NCOA7: variants seen among roughly 807,000 people sequenced by gnomAD.
NCOA7 encodes nuclear receptor coactivator 7.
A neutral mutation model predicts 104.3 loss-of-function variants in NCOA7; 45 were observed. That is an observed-to-expected ratio of 0.43 (90% CI 0.34 to 0.55). The LOEUF is 0.55. Ranked by LOEUF, NCOA7 falls within the 20% of genes least tolerant of loss-of-function variation. The pLI is 0.02. For missense variants in NCOA7, 1,041 were observed against 1,119.7 expected (o/e 0.93, Z 1.00); for synonymous variants, 398 against 402.3 (o/e 0.99, Z 0.13).
At chr6:125,909,296 A>G (rs1786305814) in intron 10 of NCOA7, among the ~76,000 whole-genome samples, 1 of 152,160 alleles carries the variant, frequency 6.6e-6, no homozygotes, top group Non-Finnish European at 1.5e-5. Flanking sequence ...ACCTAAGGAA[A>G]GTCAGTTGAA....
At position 125,889,146 on chromosome 6, in the gene NCOA7, C is replaced by T; in HGVS notation, c.1092C>T (p.Gly364=). Residue 364 remains glycine, a synonymous_variant, in exon 9 of 16, where the codon GGC becomes GGT. Coordinates refer to ENST00000392477, the MANE Select transcript of NCOA7 (RefSeq NM_181782.5). The part of the protein sequence containing the change: ...STGHTPTKPS[G]SSVSEKLKKL... ...GACATACACCTACAAAGCCCTCAGG[C>T]AGCTCTGTGTCAGAGAAATTAAAGA... 6.2e-7 allele frequency: 1 copy of T among 1,614,128 alleles called. No individual in the cohort carries two copies. The highest frequency in any genetic ancestry group is 1.1e-5 in the South Asian group (1 of 91,088).
chr6:125,912,946 A>G (rs780166736), intron 10 of NCOA7, among the ~76,000 whole-genome samples: 17 of 152,234 alleles, frequency 1.1e-4, no homozygotes, highest in Non-Finnish European at 2.1e-4. Context: ...GCCTTTTAAA[A>G]TATAATTTTG....
intron 1 of NCOA7, among the ~76,000 whole-genome samples, chr6:125,785,314 G>A (rs764775424): frequency 2.6e-5 from 4 of 151,912 alleles, no homozygotes; most frequent in Non-Finnish European, 4.4e-5. Context: ...CTCCAGCCTC[G>A]GCAACAGAGT....
intron 2 of NCOA7, among the ~76,000 whole-genome samples, chr6:125,838,099 C>A (rs937169307): frequency 6.6e-6 from 1 of 152,092 alleles, no homozygotes; most frequent in Non-Finnish European, 1.5e-5. Flanking sequence ...TCATAAAAGG[C>A]AGATTAATAA....
chr6:125,839,715 A>C (rs2128602409), intron 2 of NCOA7, among the ~76,000 whole-genome samples: 1 of 152,230 alleles, frequency 6.6e-6, no homozygotes, highest in African/African-American at 2.4e-5. Flanking sequence ...CTCATTTATG[A>C]TGGTGGTTCC....
intron 10 of NCOA7, among the ~76,000 whole-genome samples, chr6:125,891,403 G>A (rs1468696723): frequency 6.6e-6 from 1 of 152,176 alleles, no homozygotes. Flanking sequence ...TTCTTCAACA[G>A]TATATCACTG....
Position 125,889,428 on chromosome 6 carries a change from C to T in NCOA7, c.1374C>T (p.Ala458=), listed in dbSNP as rs377025440. ...KKAESQINNS[A]VEMQVQSALA... ...CTGAGTCACAAATAAACAATTCTGCCGTGGAAATGCAGGTGCAGTCAGCCC... is the reference window on the plus strand; with the variant it reads ...CTGAGTCACAAATAAACAATTCTGCTGTGGAAATGCAGGTGCAGTCAGCCC... The change falls in exon 9 of 16, where the codon GCC becomes GCT. Residue 458 remains alanine (A), a synonymous_variant. Transcript: ENST00000392477. 110 of 1,613,784 alleles carry T rather than the reference C, an allele frequency of 6.8e-5. No homozygotes were observed. Among genetic ancestry groups the T allele is most frequent in the Non-Finnish European group, 8.6e-5 (102 of 1,179,950 alleles).
chr6:125,820,560 A>G (rs1224248840), intron 2 of NCOA7, among the ~76,000 whole-genome samples: 1 of 152,206 alleles, frequency 6.6e-6, no homozygotes, highest in Non-Finnish European at 1.5e-5. Context: ...TGAATAGTAC[A>G]CTTTGTAGCT....
chr6:125,873,891 CT>C, intron 3 of NCOA7, among the ~76,000 whole-genome samples: 1 of 152,162 alleles, frequency 6.6e-6, no homozygotes, highest in East Asian at 1.9e-4. Context: ...ATTTTATATT[CT>C]TTTTGTCACA....
At chr6:125,800,295 G>A (rs900516750) in intron 1 of NCOA7, among the ~76,000 whole-genome samples, 3 of 152,104 alleles carry the variant, frequency 2.0e-5, no homozygotes, top group Non-Finnish European at 4.4e-5. Flanking sequence ...CTAGACTGGT[G>A]GTTTCTAAAG....
intron 2 of NCOA7, among the ~76,000 whole-genome samples, chr6:125,835,377 A>G (rs1352317135): frequency 6.6e-6 from 1 of 151,656 alleles, no homozygotes; most frequent in African/African-American, 2.4e-5. Context: ...AGATCAGACT[A>G]CCTTAGGAGA....
chr6:125,786,663 C>T (rs887677920), upstream of NCOA7, among the ~76,000 whole-genome samples: 1 of 151,068 alleles, frequency 6.6e-6, no homozygotes, highest in African/African-American at 2.4e-5. Flanking sequence ...CGCAACCTCT[C>T]CCTCTCGGGT....
chr6:125,791,113 A>T (rs1774805816), intron 1 of NCOA7, 46 bp downstream of exon 1: 1 of 152,942 alleles, frequency 6.5e-6, no homozygotes, highest in Non-Finnish European at 1.5e-5. Flanking sequence ...CCCGCCGCTG[A>T]TGCTGCCGCC....
intron 3 of NCOA7, among the ~76,000 whole-genome samples, chr6:125,859,261 T>C (rs1781847147): frequency 6.6e-6 from 1 of 151,586 alleles, no homozygotes; most frequent in South Asian, 2.1e-4. Flanking sequence ...GAGGCAAAAA[T>C]TGACAGACTA....
intron 1 of NCOA7, among the ~76,000 whole-genome samples, chr6:125,804,942 T>A (rs1348744408): frequency 6.6e-6 from 1 of 152,126 alleles, no homozygotes; most frequent in Admixed American, 6.5e-5. Context: ...TTTAAAAACC[T>A]ACTCAGTGCA....
intron 10 of NCOA7, among the ~76,000 whole-genome samples, chr6:125,895,597 A>G (rs954333793): frequency 1.3e-5 from 2 of 152,200 alleles, no homozygotes; most frequent in Non-Finnish European, 2.9e-5. Flanking sequence ...GACGAGAAAC[A>G]AAGGTTTAAC....
chr6:125,839,879 A>T (rs1779974516), intron 2 of NCOA7, among the ~76,000 whole-genome samples: 1 of 152,106 alleles, frequency 6.6e-6, no homozygotes, highest in Admixed American at 6.5e-5. Context: ...GGTACATAAT[A>T]CTTGATAATG....
At position 125,809,521 on chromosome 6, in the gene NCOA7, T is replaced by G. The variant is rs544151496; in HGVS notation, c.-64-5770T>G. 6.6e-5 allele frequency among the ~76,000 whole-genome samples: 10 copies of G among 152,366 alleles called. No individual in the cohort carries two copies. In the East Asian group the frequency reaches 1.7e-3, roughly 26 times the overall value. On this transcript the variant is annotated intron_variant, in intron 1 of 15. Transcript: ENST00000392477. ...TGTGGCACACGTTTGTATCTGGTTC[T>G]GCGTCCTTCCCAGGTTTCTCTACTG...
chr6:125,884,172 T>C (rs920606242), intron 7 of NCOA7, among the ~76,000 whole-genome samples: 2 of 152,252 alleles, frequency 1.3e-5, no homozygotes, highest in African/African-American at 4.8e-5. Context: ...TCCATGTTAT[T>C]GCAAATGACA....
Sources: allele counts gnomAD v4.1 joint callset (sites outside exome capture counted in the v4.1 genomes callset), GRCh38; gene constraint gnomAD v4.1.1; transcripts MANE v1.5; gene names NCBI Gene and HGNC (gene_info 2026-07-23, HGNC 2026-07-21).